Variants in GALNT17 observed in about 807,000 individuals in gnomAD.
GALNT17 encodes UDP-GalNAc:polypeptide N-acetylgalactosaminyltransferase-like 3.
In GALNT17, 29 loss-of-function variants were observed where a neutral mutation model predicts 63.7. The observed-to-expected ratio is 0.46, with a 90% CI of 0.34 to 0.62. The LOEUF is 0.62. GALNT17 is among the 20% of genes least tolerant of loss of function. The probability of loss-of-function intolerance (pLI) is 0.01; values close to 1 mark genes in which losing one functional copy is unlikely to be tolerated. For missense variants in GALNT17, 603 were observed against 799.6 expected (o/e 0.75, Z 2.97); for synonymous variants, 305 against 318.3 (o/e 0.96, Z 0.45).
At chr7:71,643,449 C>T (rs865844235) in intron 6 of GALNT17, among the ~76,000 whole-genome samples, 13 of 152,236 alleles carry the variant, frequency 8.5e-5, no homozygotes, top group Middle Eastern at 3.4e-3. Context: ...ACCTGGGCCA[C>T]AGAGCGAGAC....
chr7:71,416,366 C>T (rs1160865558), intron 4 of GALNT17, among the ~76,000 whole-genome samples: 2 of 152,188 alleles, frequency 1.3e-5, no homozygotes, highest in Admixed American at 1.3e-4. Context: ...AATCCCTACA[C>T]TTTAGGAGCC....
At chr7:71,181,702 C>T (rs117285245) in intron 1 of GALNT17, among the ~76,000 whole-genome samples, 3,418 of 151,616 alleles carry the variant, frequency 0.023, 45 homozygotes, top group Middle Eastern at 0.041. Flanking sequence ...GATCCCATCC[C>T]TATAAAAAAG....
chr7:71,395,539 GC>G (rs1793123154), intron 3 of GALNT17, among the ~76,000 whole-genome samples: 1 of 152,180 alleles, frequency 6.6e-6, no homozygotes, highest in Non-Finnish European at 1.5e-5. Flanking sequence ...GGATAATAGG[GC>G]TATGAATATT....
At position 71,361,119 on chromosome 7, in the gene GALNT17, A is replaced by G. The variant is rs550333242; in HGVS notation, c.422+25386A>G. The stretch of plus-strand genomic sequence containing the variant: ...TCATTATTATTATATGAGTTACCCA[A>G]AGTTCCCAGAATTTCTGGTATGCAG... On this transcript the variant is annotated intron_variant, in intron 2 of 10. Coordinates refer to ENST00000333538, the MANE Select transcript of GALNT17 (RefSeq NM_022479.3). Among the ~76,000 whole-genome samples the G allele has an allele frequency of 2.0e-5, 3 of 152,300 alleles. No individual in the cohort carries two copies. In the South Asian group the frequency reaches 6.2e-4, roughly 32 times the overall value.
chr7:71,142,480 A>G (rs1028961678), intron 1 of GALNT17, among the ~76,000 whole-genome samples: 3 of 152,214 alleles, frequency 2.0e-5, no homozygotes, highest in South Asian at 2.1e-4. Context: ...AAACCCAATT[A>G]CAGAACACAA....
At chr7:71,382,290 G>A (rs968064431) in intron 2 of GALNT17, among the ~76,000 whole-genome samples, 6 of 152,118 alleles carry the variant, frequency 3.9e-5, no homozygotes, top group Non-Finnish European at 8.8e-5. Flanking sequence ...TGAGGCAGAA[G>A]AATCGCTTGA....
intron 5 of GALNT17, among the ~76,000 whole-genome samples, chr7:71,516,524 T>A (rs1262572420): frequency 6.6e-6 from 1 of 152,296 alleles, no homozygotes; most frequent in East Asian, 1.9e-4. Flanking sequence ...TCTTCTATGC[T>A]TTCTCTCCTG....
intron 5 of GALNT17, among the ~76,000 whole-genome samples, chr7:71,495,056 A>G (rs1788073130): frequency 6.6e-6 from 1 of 152,188 alleles, no homozygotes. Flanking sequence ...AGATCACCTG[A>G]GGTCAGGAAT....
At chr7:71,348,701 G>A (rs1027265458) in intron 2 of GALNT17, among the ~76,000 whole-genome samples, 1 of 152,192 alleles carries the variant, frequency 6.6e-6, no homozygotes, top group Non-Finnish European at 1.5e-5. Flanking sequence ...GGCTGTTGTT[G>A]CTTCTGCTGG....
intron 2 of GALNT17, among the ~76,000 whole-genome samples, chr7:71,377,107 TAA>T (rs1237223835): frequency 1.7e-5 from 1 of 57,748 alleles, no homozygotes; most frequent in East Asian, 5.4e-4. Context: ...AAAATAAAAA[TAA>T]AAAAAATATA....
At chr7:71,509,749 A>G (rs1192465207) in intron 5 of GALNT17, among the ~76,000 whole-genome samples, 1 of 152,124 alleles carries the variant, frequency 6.6e-6, no homozygotes, top group African/African-American at 2.4e-5. Flanking sequence ...GGACATGGGA[A>G]CAGAGAGATG....
intron 6 of GALNT17, among the ~76,000 whole-genome samples, chr7:71,594,723 G>T (rs146832335): frequency 6.9e-4 from 105 of 152,310 alleles, no homozygotes; most frequent in Non-Finnish European, 1.3e-3. Context: ...GCTTGAGGAG[G>T]TTGGTCGATA....
At chr7:71,137,429 G>A (rs1787806976) in intron 1 of GALNT17, among the ~76,000 whole-genome samples, 1 of 152,196 alleles carries the variant, frequency 6.6e-6, no homozygotes, top group South Asian at 2.1e-4. Flanking sequence ...GTGAGCCACC[G>A]CGCCCGGCCA....
intron 1 of GALNT17, among the ~76,000 whole-genome samples, chr7:71,321,945 C>CTTCT (rs1791624370): frequency 4.2e-5 from 2 of 47,312 alleles, no homozygotes; most frequent in Non-Finnish European, 8.3e-5. Flanking sequence ...CCCTCCCTCC[C>CTTCT]TTCCTTCCTT....
intron 1 of GALNT17, among the ~76,000 whole-genome samples, chr7:71,306,528 C>T (rs886512271): frequency 6.6e-6 from 1 of 152,150 alleles, no homozygotes; most frequent in Non-Finnish European, 1.5e-5. Flanking sequence ...AGAATATCGT[C>T]CTCAAAGTTC....
At chr7:71,187,487 C>T (rs985137246) in intron 1 of GALNT17, among the ~76,000 whole-genome samples, 5 of 151,974 alleles carry the variant, frequency 3.3e-5, no homozygotes, top group Admixed American at 2.0e-4. Context: ...CTCTCTGCTT[C>T]GTTTGTTCGT....
chr7:71,495,301 G>A lies in GALNT17; in HGVS notation c.962+74196G>A, dbSNP rs1011286563. Among the ~76,000 whole-genome samples the A allele has an allele frequency of 9.2e-5, 14 of 151,930 alleles. No individual in the cohort carries two copies. The South Asian group carries it at 2.5e-3, about 27-fold the overall frequency. ...AAAAAAAAAAGAAAAGAAAAGGTGA[G>A]GTTTGGGTGGGGACACAGCCAAGCC... On this transcript the variant is annotated intron_variant, in intron 5 of 10. Transcript: ENST00000333538.
intron 6 of GALNT17, among the ~76,000 whole-genome samples, chr7:71,648,215 CAT>C (rs1584111474): frequency 6.6e-6 from 1 of 152,082 alleles, no homozygotes; most frequent in East Asian, 1.9e-4. Flanking sequence ...GTGTTCCATA[CAT>C]TATCTCATAT....
At chr7:71,256,832 G>T (rs1395584844) in intron 1 of GALNT17, among the ~76,000 whole-genome samples, 10 of 152,330 alleles carry the variant, frequency 6.6e-5, no homozygotes, top group Admixed American at 5.2e-4. Flanking sequence ...GTTCAAGTGA[G>T]AATGAGAGAG....
Sources: allele counts gnomAD v4.1 joint callset (sites outside exome capture counted in the v4.1 genomes callset), GRCh38; gene constraint gnomAD v4.1.1; transcripts MANE v1.5; gene names NCBI Gene and HGNC (gene_info 2026-07-23, HGNC 2026-07-21).